The following TMPRSS15 variants were observed in gnomAD, a reference collection of about 807,000 sequenced individuals.
The protein encoded by TMPRSS15 is transmembrane serine protease 15.
Under a neutral mutation model 125.3 loss-of-function variants are expected in TMPRSS15, and 128 were observed. That is an observed-to-expected ratio of 1.02 (90% CI 0.89 to 1.18). TMPRSS15 has a LOEUF of 1.18. Among genes scored for constraint, TMPRSS15 ranks in the 50% most tolerant of loss-of-function variants. The pLI is 0.00. For synonymous variants in TMPRSS15, 446 were observed against 423.2 expected, an observed-to-expected ratio of 1.05 and a Z score of -0.66; for missense variants, 1,283 against 1,212.7, an observed-to-expected ratio of 1.06 and a Z score of -0.86.
chr21:18,467,776 T>C (rs1309679480), intron 1 of TMPRSS15, among the ~76,000 whole-genome samples: 1 of 152,086 alleles, frequency 6.6e-6, no homozygotes. Context: ...GGAATGATAA[T>C]ATGATAAAGA....
intron 1 of TMPRSS15, among the ~76,000 whole-genome samples, chr21:18,425,878 C>T (rs368435245): frequency 3.9e-5 from 6 of 151,926 alleles, no homozygotes; most frequent in Admixed American, 1.3e-4. Flanking sequence ...AACCTAAATG[C>T]GATACAAGAA....
At chr21:18,473,267 T>C (rs906619823) in intron 1 of TMPRSS15, among the ~76,000 whole-genome samples, 2 of 152,104 alleles carry the variant, frequency 1.3e-5, no homozygotes, top group Non-Finnish European at 2.9e-5. Flanking sequence ...AATAGTATGA[T>C]TTATTTTAAA....
intron 3 of TMPRSS15, among the ~76,000 whole-genome samples, chr21:18,387,612 TAC>T (rs57708622): frequency 0.044 from 6,408 of 145,068 alleles, 161 homozygotes; most frequent in South Asian, 0.064. Context: ...CACACACACA[TAC>T]ACACACACAC....
intron 18 of TMPRSS15, among the ~76,000 whole-genome samples, chr21:18,311,861 A>G (rs1420005085): frequency 6.6e-6 from 1 of 152,182 alleles, no homozygotes; most frequent in Non-Finnish European, 1.5e-5. Flanking sequence ...ATGTTTTATA[A>G]TTAGAAAACT....
intron 1 of TMPRSS15, among the ~76,000 whole-genome samples, chr21:18,436,259 G>A (rs1026085249): frequency 6.6e-6 from 1 of 151,444 alleles, no homozygotes; most frequent in Non-Finnish European, 1.5e-5. Context: ...GCTTTCTCTT[G>A]TGGGCATTTA....
At chr21:18,479,363 A>G (rs752711825) in intron 1 of TMPRSS15, among the ~76,000 whole-genome samples, 23 of 151,986 alleles carry the variant, frequency 1.5e-4, no homozygotes, top group Non-Finnish European at 2.9e-4. Context: ...TAGTATTAAT[A>G]ATCAAGCCAA....
chr21:18,452,165 T>C (rs1601467634), intron 1 of TMPRSS15, among the ~76,000 whole-genome samples: 1 of 152,070 alleles, frequency 6.6e-6, no homozygotes, highest in Non-Finnish European at 1.5e-5. Flanking sequence ...CACCTGCGAG[T>C]ACATAGAGGT....
intron 3 of TMPRSS15, among the ~76,000 whole-genome samples, chr21:18,396,370 A>T (rs535437933): frequency 6.6e-6 from 1 of 152,140 alleles, no homozygotes; most frequent in African/African-American, 2.4e-5. Context: ...CCCAACACCT[A>T]CTAGCTGTGT....
At chr21:18,297,326 C>T (rs1381335126) in intron 19 of TMPRSS15, among the ~76,000 whole-genome samples, 2 of 152,160 alleles carry the variant, frequency 1.3e-5, no homozygotes, top group African/African-American at 2.4e-5. Context: ...ATATTCCCCT[C>T]TTTCTTCTCT....
intron 18 of TMPRSS15, among the ~76,000 whole-genome samples, chr21:18,300,445 G>C (rs1196887276): frequency 6.6e-6 from 1 of 151,412 alleles, no homozygotes. Context: ...AGGTTTAAGT[G>C]ATTCTCCTGA....
intron 1 of TMPRSS15, among the ~76,000 whole-genome samples, chr21:18,417,551 A>G (rs2076183179): frequency 6.6e-6 from 1 of 152,228 alleles, no homozygotes; most frequent in Admixed American, 6.5e-5. Flanking sequence ...CTCCTACTAC[A>G]TAAGTTAGTA....
intron 8 of TMPRSS15, 116 bp from the exon 9 acceptor site, chr21:18,353,979 A>G (rs1438814301): frequency 2.3e-6 from 2 of 866,186 alleles, no homozygotes; most frequent in African/African-American, 3.4e-5. Flanking sequence ...ACAAATATCT[A>G]TCTGATACCA....
intron 3 of TMPRSS15, among the ~76,000 whole-genome samples, chr21:18,383,987 AG>A (rs2075918971): frequency 1.3e-5 from 2 of 152,328 alleles, no homozygotes; most frequent in African/African-American, 4.8e-5. Flanking sequence ...TTTTGAGAAG[AG>A]AAACTCCAAA....
At chr21:18,485,328 T>C (rs538566457) in intron 1 of TMPRSS15, among the ~76,000 whole-genome samples, 1 of 152,092 alleles carries the variant, frequency 6.6e-6, no homozygotes, top group Admixed American at 6.6e-5. Context: ...CTTATTATAT[T>C]AGCTAAGACC....
chr21:18,468,770 T>C (rs1978718848), intron 1 of TMPRSS15, among the ~76,000 whole-genome samples: 1 of 152,176 alleles, frequency 6.6e-6, no homozygotes, highest in Non-Finnish European at 1.5e-5. Flanking sequence ...ACTTTGGGTA[T>C]ACACTTTGTC....
At chr21:18,430,212 A>C (rs1233366945) in intron 1 of TMPRSS15, among the ~76,000 whole-genome samples, 1 of 152,200 alleles carries the variant, frequency 6.6e-6, no homozygotes, top group Non-Finnish European at 1.5e-5. Context: ...GTGAATAATC[A>C]TATTTCACAA....
In TMPRSS15 at chr21:18,294,449, T is replaced by C. The variant is rs2074877571; in HGVS notation, c.2312-5A>G. 1 of 1,614,078 alleles carries C rather than the reference T, an allele frequency of 6.2e-7. No individual in the cohort carries two copies. Among genetic ancestry groups the C allele is most frequent in the African/African-American group, 1.3e-5 (1 of 74,928 alleles). On this transcript the variant is annotated splice_polypyrimidine_tract_variant and splice_region_variant and intron_variant, in intron 20 of 24. Transcript: ENST00000284885. ...CTGCCAGTTTTTTTCCACAAGCTATTAAAATAATTGGAGAAAGAGCATCTA... is the reference window on the plus strand; with the variant it reads ...CTGCCAGTTTTTTTCCACAAGCTATCAAAATAATTGGAGAAAGAGCATCTA...
Position 18,269,671 on chromosome 21 carries a change from ACAGT to A in TMPRSS15, c.*294_*297del. ...CTTTAAAATAACATCCCTTTAAACAACAGTAAGTAATAAAAATAATCATTAAGAA... is the reference window on the plus strand; with the variant it reads ...CTTTAAAATAACATCCCTTTAAACAAAAGTAATAAAAATAATCATTAAGAA... On this transcript the variant is annotated 3_prime_UTR_variant, in exon 25 of 25. Coordinates refer to ENST00000284885, the MANE Select transcript of TMPRSS15 (RefSeq NM_002772.3). 3.1e-6 allele frequency: 1 copy of A among 321,986 alleles called. No homozygotes were observed. Among genetic ancestry groups the A allele is most frequent in the East Asian group, 7.4e-5 (1 of 13,580 alleles). 19.9% of individuals were successfully genotyped at this position (321,986 alleles called of 1,614,324 possible).
chr21:18,398,002 T>C, intron 2 of TMPRSS15, 56 bp from the exon 3 acceptor site: 1 of 1,318,076 alleles, frequency 7.6e-7, no homozygotes, highest in South Asian at 1.3e-5. Flanking sequence ...TTAACTTTTG[T>C]TGAAAAATTT....
Sources: gnomAD v4.1 joint callset for allele counts (sites outside exome capture counted in the v4.1 genomes callset) on GRCh38, gnomAD v4.1.1 for gene constraint, MANE v1.5 for transcripts, NCBI Gene and HGNC (gene_info 2026-07-23, HGNC 2026-07-21) for gene names.